The following CNTNAP2 variants were observed in gnomAD, a reference collection of about 807,000 sequenced individuals.
CNTNAP2 encodes contactin-associated protein-like 2.
In CNTNAP2, 98 loss-of-function variants were observed where a neutral mutation model predicts 155.2. That is an observed-to-expected ratio of 0.63 (90% CI 0.54 to 0.75). The LOEUF (loss-of-function observed/expected upper bound fraction) is 0.75. CNTNAP2 is among the 30% of genes least tolerant of loss of function. CNTNAP2 has a pLI of 0.00. For synonymous variants in CNTNAP2, 651 were observed against 631.2 expected, an observed-to-expected ratio of 1.03 and a Z score of -0.47; for missense variants, 1,727 against 1,688.1, an observed-to-expected ratio of 1.02 and a Z score of -0.40.
intron 13 of CNTNAP2, among the ~76,000 whole-genome samples, chr7:147,695,338 T>G (rs1378020357): frequency 1.3e-5 from 2 of 152,174 alleles, no homozygotes. Context: ...AGTTTATAGG[T>G]GTCGACTGTA....
At chr7:147,782,242 A>T (rs1420515015) in intron 13 of CNTNAP2, among the ~76,000 whole-genome samples, 1 of 152,232 alleles carries the variant, frequency 6.6e-6, no homozygotes, top group Admixed American at 6.5e-5. Flanking sequence ...GTAAGTGCTA[A>T]GGTCATTTCT....
intron 10 of CNTNAP2, among the ~76,000 whole-genome samples, chr7:147,466,624 C>T (rs1798124853): frequency 6.6e-6 from 1 of 152,036 alleles, no homozygotes; most frequent in South Asian, 2.1e-4. Flanking sequence ...TCTGAGCATC[C>T]TAGAAAATAA....
chr7:147,173,197 C>T (rs1296840307), intron 8 of CNTNAP2, among the ~76,000 whole-genome samples: 2 of 152,058 alleles, frequency 1.3e-5, no homozygotes, highest in Admixed American at 1.3e-4. Flanking sequence ...GCATTATTCC[C>T]AACAACTATA....
chr7:148,190,446 T>C (rs1795187362), intron 18 of CNTNAP2: 1 of 152,248 alleles, frequency 6.6e-6, no homozygotes. Context: ...AGATGAATAA[T>C]AGTTTTTTGG....
chr7:146,264,929 A>G (rs1484981292), intron 1 of CNTNAP2, among the ~76,000 whole-genome samples: 1 of 152,228 alleles, frequency 6.6e-6, no homozygotes, highest in Non-Finnish European at 1.5e-5. Flanking sequence ...GCCATTCATT[A>G]GTTTCAAAGG....
At position 147,048,056 on chromosome 7, in the gene CNTNAP2, A is replaced by T. The variant is rs1035158776; in HGVS notation, c.550+4002A>T. 5.8e-4 allele frequency among the ~76,000 whole-genome samples: 87 copies of T among 149,406 alleles called. 1 individual carries two copies. Among genetic ancestry groups the T allele is most frequent in the Non-Finnish European group, 1.5e-4 (10 of 67,628 alleles). On this transcript the variant is annotated intron_variant, in intron 4 of 23. Coordinates refer to ENST00000361727, the MANE Select transcript of CNTNAP2 (RefSeq NM_014141.6). ...ATGTGACTAAGTTAACAATCATGAC[A>T]CGGAGAGACAATTTTTTTTTTTTTT...
intron 3 of CNTNAP2, among the ~76,000 whole-genome samples, chr7:147,022,561 T>C (rs1398021192): frequency 3.3e-5 from 5 of 151,756 alleles, no homozygotes. Flanking sequence ...ACTATACATA[T>C]ACGCACACAT....
At chr7:146,902,048 CT>C (rs576042547) in intron 3 of CNTNAP2, among the ~76,000 whole-genome samples, 19 of 150,374 alleles carry the variant, frequency 1.3e-4, no homozygotes, top group Non-Finnish European at 2.1e-4. Flanking sequence ...GCTAATTTTT[CT>C]TTTTTTTTGT....
At chr7:147,341,059 G>A (rs1160964580) in intron 9 of CNTNAP2, among the ~76,000 whole-genome samples, 1 of 109,772 alleles carries the variant, frequency 9.1e-6, no homozygotes, top group Admixed American at 1.0e-4. Flanking sequence ...GCCTCTTCCA[G>A]CATTGTGTGT....
intron 2 of CNTNAP2, among the ~76,000 whole-genome samples, chr7:146,788,808 C>G (rs1400238960): frequency 6.6e-6 from 1 of 152,040 alleles, no homozygotes; most frequent in Admixed American, 6.5e-5. Flanking sequence ...TTGGTCATTT[C>G]AAGACATCCA....
chr7:146,681,060 T>C (rs1265728925), intron 1 of CNTNAP2, among the ~76,000 whole-genome samples: 2 of 152,056 alleles, frequency 1.3e-5, no homozygotes, highest in East Asian at 3.9e-4. Context: ...TTGAATACTC[T>C]AAAATAATCC....
chr7:146,151,682 G>GTA (rs775446723), intron 1 of CNTNAP2, among the ~76,000 whole-genome samples: 953 of 73,816 alleles, frequency 0.013, 26 homozygotes, highest in East Asian at 0.037. Context: ...ATATATATAT[G>GTA]TATATATATA....
At chr7:146,204,645 A>C (rs2116873896) in intron 1 of CNTNAP2, among the ~76,000 whole-genome samples, 1 of 152,250 alleles carries the variant, frequency 6.6e-6, no homozygotes, top group East Asian at 1.9e-4. Context: ...TGGATCATAT[A>C]GTAAATACTT....
intron 5 of CNTNAP2, among the ~76,000 whole-genome samples, chr7:147,119,079 G>GT (rs1315174693): frequency 6.6e-6 from 1 of 152,052 alleles, no homozygotes; most frequent in Non-Finnish European, 1.5e-5. Context: ...AGACATTTTT[G>GT]TTTTTTGTAC....
intron 13 of CNTNAP2, among the ~76,000 whole-genome samples, chr7:147,870,757 T>C (rs1362806983): frequency 1.3e-5 from 2 of 152,074 alleles, no homozygotes; most frequent in East Asian, 3.9e-4. Flanking sequence ...TGAGAACAGG[T>C]GGAAGTCACC....
intron 15 of CNTNAP2, among the ~76,000 whole-genome samples, chr7:148,031,493 T>C (rs1802475740): frequency 6.6e-6 from 1 of 152,190 alleles, no homozygotes; most frequent in Non-Finnish European, 1.5e-5. Context: ...ACCTTACACC[T>C]TACACATACT....
intron 3 of CNTNAP2, among the ~76,000 whole-genome samples, chr7:146,975,969 C>T (rs1365811299): frequency 6.6e-6 from 1 of 152,106 alleles, no homozygotes; most frequent in Non-Finnish European, 1.5e-5. Flanking sequence ...TAGAGTCAAC[C>T]ACTTAAAGTC....
intron 8 of CNTNAP2, among the ~76,000 whole-genome samples, chr7:147,182,125 C>CAAAAAA (rs10718876): frequency 4.4e-4 from 41 of 92,318 alleles, no homozygotes; most frequent in Non-Finnish European, 6.3e-4. Context: ...GACTCCATCT[C>CAAAAAA]AAAAAAAAAA....
At chr7:147,253,394 T>A (rs1804249432) in intron 8 of CNTNAP2, among the ~76,000 whole-genome samples, 2 of 151,986 alleles carry the variant, frequency 1.3e-5, no homozygotes, top group South Asian at 2.1e-4. Flanking sequence ...TTTTTTTTTT[T>A]TTTTTTTTTA....
Sources: gnomAD v4.1 joint callset for allele counts (sites outside exome capture counted in the v4.1 genomes callset) on GRCh38, gnomAD v4.1.1 for gene constraint, MANE v1.5 for transcripts, NCBI Gene and HGNC (gene_info 2026-07-23, HGNC 2026-07-21) for gene names.